Variants in FAR2 observed in about 807,000 individuals in gnomAD.
The protein encoded by FAR2 is fatty acyl-CoA reductase 2, also known as epididymis secretory protein Li 81.
Under a neutral mutation model 56.0 loss-of-function variants are expected in FAR2, and 19 were observed. That is an observed-to-expected ratio of 0.34 (90% confidence interval 0.24 to 0.50). The LOEUF (loss-of-function observed/expected upper bound fraction) is 0.50, where lower values mean the gene tolerates loss of function less well. Ranked by LOEUF, FAR2 falls within the 20% of genes least tolerant of loss-of-function variation. FAR2 has a pLI of 0.98. For missense variants in FAR2, 508 were observed against 642.2 expected (o/e 0.79, Z 2.26); for synonymous variants, 219 against 218.8 (o/e 1.00, Z -0.01).
chr12:29,305,335 A>G (rs1949238832), intron 4 of FAR2, among the ~76,000 whole-genome samples: 1 of 151,810 alleles, frequency 6.6e-6, no homozygotes, highest in South Asian at 2.1e-4. Flanking sequence ...GCAGGGTGTT[A>G]TTATGTTGCC....
At chr12:29,323,100 C>T (rs10843385) in intron 10 of FAR2, among the ~76,000 whole-genome samples, 47,183 of 152,206 alleles carry the variant, frequency 0.31, 9,190 homozygotes, top group Admixed American at 0.46. Context: ...ACACCATGTG[C>T]GGGAGCACAT....
intron 10 of FAR2, among the ~76,000 whole-genome samples, chr12:29,325,359 A>G (rs1949627562): frequency 6.6e-6 from 1 of 152,156 alleles, no homozygotes; most frequent in South Asian, 2.1e-4. Flanking sequence ...AAAGTTAACA[A>G]GGATATCCAG....
At chr12:29,248,125 CTT>C (rs1382254288) in intron 1 of FAR2, among the ~76,000 whole-genome samples, 2 of 152,262 alleles carry the variant, frequency 1.3e-5, no homozygotes, top group African/African-American at 4.8e-5. Context: ...CAACTAGAAA[CTT>C]AGAATGTGGC....
At chr12:29,210,922 CA>C (rs1207443426) in intron 1 of FAR2, among the ~76,000 whole-genome samples, 1 of 147,326 alleles carries the variant, frequency 6.8e-6, no homozygotes, top group East Asian at 2.0e-4. Flanking sequence ...CTGGGTGTGA[CA>C]GAGTGAGACT....
intron 1 of FAR2, chr12:29,223,952 A>G (rs1213972890): frequency 6.6e-6 from 1 of 152,220 alleles, no homozygotes; most frequent in Non-Finnish European, 1.5e-5. Flanking sequence ...TATTCACAGG[A>G]GTGACAAACT....
Position 29,226,599 on chromosome 12 carries a change from A to T in FAR2, c.-38-43813A>T, listed in dbSNP as rs141605302. On this transcript the variant is annotated intron_variant, in intron 1 of 11. Coordinates refer to ENST00000536681, the MANE Select transcript of FAR2 (RefSeq NM_001271783.2). ...CACTTCCAAAATGAAATTCTAATAC[A>T]TTTGATTGAGTCTTGTGGGGTGGTC... Among the ~76,000 whole-genome samples, 1,387 of 152,250 alleles carry T rather than the reference A, an allele frequency of 9.1e-3. 30 individuals carry two copies. The highest frequency in any genetic ancestry group is 0.032 in the African/African-American group (1,312 of 41,554).
At chr12:29,155,374 T>G (rs1460335858) in intron 1 of FAR2, among the ~76,000 whole-genome samples, 1 of 152,202 alleles carries the variant, frequency 6.6e-6, no homozygotes, top group Non-Finnish European at 1.5e-5. Context: ...TGCATTTGCA[T>G]GGTGGTAGGC....
intron 1 of FAR2, among the ~76,000 whole-genome samples, chr12:29,219,433 C>T (rs1206347715): frequency 6.6e-6 from 1 of 152,078 alleles, no homozygotes; most frequent in African/African-American, 2.4e-5. Flanking sequence ...CATACTTTTA[C>T]ATAAACAGGA....
chr12:29,289,438 C>T lies in FAR2; in HGVS notation c.190-3862C>T, dbSNP rs61476653. On this transcript the variant is annotated intron_variant, in intron 2 of 11. Transcript: ENST00000536681. ...ACAAAGGTGCCAAGAATATACACTG[C>T]AGAAAAGACAGCCTCTTCAATAAAT... Among the ~76,000 whole-genome samples, 1,286 of 152,228 alleles carry T rather than the reference C, an allele frequency of 8.4e-3. 18 individuals carry two copies. The highest frequency in any genetic ancestry group is 0.03 in the African/African-American group (1,234 of 41,546).
In FAR2 at chr12:29,270,256, G is replaced by A. The variant is rs1948592775; in HGVS notation, c.-38-156G>A. 2.6e-5 allele frequency among the ~76,000 whole-genome samples: 4 copies of A among 152,144 alleles called. No individual in the cohort carries two copies. In the South Asian group the frequency reaches 8.3e-4, roughly 32 times the overall value. Reference sequence around the variant, plus strand: ...GAGAGAACTCAATAAATATTGATTGGAATGAGTCGTATTGCTTAAAAGCCA... The same window carrying A: ...GAGAGAACTCAATAAATATTGATTGAAATGAGTCGTATTGCTTAAAAGCCA... On this transcript the variant is annotated intron_variant, in intron 1 of 11. Transcript: ENST00000536681.
chr12:29,240,511 A>C (rs1296907631), intron 1 of FAR2, among the ~76,000 whole-genome samples: 2 of 70,414 alleles, frequency 2.8e-5, no homozygotes, highest in Non-Finnish European at 5.5e-5. Context: ...ATCATGGCAC[A>C]AAATGGGTTG....
chr12:29,292,736 A>G (rs1427183263), intron 2 of FAR2, among the ~76,000 whole-genome samples: 1 of 152,220 alleles, frequency 6.6e-6, no homozygotes, highest in African/African-American at 2.4e-5. Context: ...TGATCTGGCA[A>G]GTTAACATAT....
At chr12:29,234,954 A>G (rs1299182818) in intron 1 of FAR2, among the ~76,000 whole-genome samples, 1 of 152,202 alleles carries the variant, frequency 6.6e-6, no homozygotes, top group African/African-American at 2.4e-5. Context: ...ACATTTTATT[A>G]CAATATCTTG....
At chr12:29,311,282 G>A (rs1468200394) in intron 7 of FAR2, 136 bp downstream of exon 7, 1 of 634,176 alleles carries the variant, frequency 1.6e-6, no homozygotes, top group Non-Finnish European at 2.8e-6. Context: ...ATTTTATAGA[G>A]TTCCTAATAT....
At chr12:29,210,098 C>T (rs1484512655) in intron 1 of FAR2, among the ~76,000 whole-genome samples, 1 of 151,958 alleles carries the variant, frequency 6.6e-6, no homozygotes, top group African/African-American at 2.4e-5. Flanking sequence ...GTCCCAGCTA[C>T]TTGGAGGCTG....
intron 1 of FAR2, among the ~76,000 whole-genome samples, chr12:29,199,702 T>A (rs537999676): frequency 6.6e-6 from 1 of 151,926 alleles, no homozygotes; most frequent in East Asian, 1.9e-4. Flanking sequence ...ACATAAAAGA[T>A]GGCAGGCAGA....
At chr12:29,255,623 T>TTTTTTC (rs1182557472) in intron 1 of FAR2, among the ~76,000 whole-genome samples, 1 of 152,136 alleles carries the variant, frequency 6.6e-6, no homozygotes, top group African/African-American at 2.4e-5. Flanking sequence ...TTTTTTCTTT[T>TTTTTTC]TTTTTCTTTT....
intron 4 of FAR2, among the ~76,000 whole-genome samples, chr12:29,304,740 G>A (rs1291571582): frequency 1.3e-5 from 2 of 152,144 alleles, no homozygotes; most frequent in Non-Finnish European, 2.9e-5. Context: ...AACACACATA[G>A]ACATATACAT....
chr12:29,283,963 A>G (rs7953090), intron 2 of FAR2, among the ~76,000 whole-genome samples: 4,839 of 152,318 alleles, frequency 0.032, 105 homozygotes, highest in East Asian at 0.072. Flanking sequence ...TAAATCATTC[A>G]GTAGTAAAGT....
Sources: allele counts gnomAD v4.1 joint callset (sites outside exome capture counted in the v4.1 genomes callset), GRCh38; gene constraint gnomAD v4.1.1; transcripts MANE v1.5; gene names NCBI Gene and HGNC (gene_info 2026-07-23, HGNC 2026-07-21).